The following EPS15 variants were observed in gnomAD, a reference collection of about 807,000 sequenced individuals.
The protein encoded by EPS15 is epidermal growth factor receptor substrate 15.
A neutral mutation model predicts 113.8 loss-of-function variants in EPS15; 72 were observed. The observed-to-expected ratio is 0.63, with a 90% CI of 0.52 to 0.77. The LOEUF (loss-of-function observed/expected upper bound fraction) is 0.77, where lower values mean the gene tolerates loss of function less well. Ranked by LOEUF, EPS15 falls within the 30% of genes least tolerant of loss-of-function variation. EPS15 has a pLI of 0.00. For synonymous variants in EPS15, 344 were observed against 363.4 expected (o/e 0.95, Z 0.61); for missense variants, 1,048 against 1,045.8 (o/e 1.00, Z -0.03).
At chr1:51,440,315 A>C in intron 12 of EPS15, 32 bp downstream of exon 12, 4 of 611,208 alleles carry the variant, frequency 6.5e-6, no homozygotes, top group East Asian at 3.3e-5. Flanking sequence ...GTGTGTGTGT[A>C]TGTGAGTAGG....
At chr1:51,455,177 ACACTTG>A (rs1412019773) in intron 8 of EPS15, among the ~76,000 whole-genome samples, 1 of 152,242 alleles carries the variant, frequency 6.6e-6, no homozygotes, top group Non-Finnish European at 1.5e-5. Context: ...ATAGGACTAT[ACACTTG>A]CAGAACTTAC....
At chr1:51,404,853 A>G (rs72694189) in intron 16 of EPS15, among the ~76,000 whole-genome samples, 4,573 of 152,264 alleles carry the variant, frequency 0.03, 74 homozygotes, top group African/African-American at 0.05. Flanking sequence ...GGGGAAAGGG[A>G]TACACATTTA....
Position 51,408,301 on chromosome 1 carries a change from T to C in EPS15, c.1307A>G (p.Gln436Arg). Residue 436 changes from glutamine (Q) to arginine (R), a missense_variant, in exon 15 of 25, where the codon CAG (glutamine) becomes CGG (arginine). Gln to Arg is a conservative substitution (Grantham distance 43). Coordinates refer to ENST00000371733, the MANE Select transcript of EPS15 (RefSeq NM_001981.3). ...ISSLKAELTS[Q>R]ESQISTYEEE... Reference sequence around the variant, plus strand: ...TTCGTAAGTGGAGATCTGCGATTCCTGACTAGTTAATTCAGCTTTCAGAGA... The same window carrying C: ...TTCGTAAGTGGAGATCTGCGATTCCCGACTAGTTAATTCAGCTTTCAGAGA... The C allele has an allele frequency of 1.2e-6, 2 of 1,613,320 alleles. No homozygotes were observed. Among genetic ancestry groups the C allele is most frequent in the Non-Finnish European group, 1.7e-6 (2 of 1,179,354 alleles).
At chr1:51,455,353 G>A (rs1259557000) in intron 8 of EPS15, among the ~76,000 whole-genome samples, 1 of 152,152 alleles carries the variant, frequency 6.6e-6, no homozygotes, top group African/African-American at 2.4e-5. Flanking sequence ...ACTTTGGGAG[G>A]CTAAGGCAGG....
chr1:51,501,225 T>C (rs1234391066), intron 1 of EPS15, among the ~76,000 whole-genome samples: 1 of 151,508 alleles, frequency 6.6e-6, no homozygotes, highest in Non-Finnish European at 1.5e-5. Context: ...CTGGCCAACA[T>C]GGGGAAACCC....
intron 16 of EPS15, 139 bp downstream of exon 16, chr1:51,405,766 G>GACTC (rs10529789): frequency 0.22 from 145,808 of 677,622 alleles, 19,998 homozygotes; most frequent in African/African-American, 0.52. Context: ...TTTGGATTAG[G>GACTC]ACTCTCTGCT....
chr1:51,373,525 C>T (rs1646713807), intron 21 of EPS15, among the ~76,000 whole-genome samples: 1 of 152,238 alleles, frequency 6.6e-6, no homozygotes, highest in African/African-American at 2.4e-5. Flanking sequence ...TCTTCAAAGA[C>T]TCCTGGGGTG....
In EPS15 at chr1:51,355,605, ATAAAC is replaced by A. The variant is rs530311379; in HGVS notation, c.*1090_*1094del. ...TAGGTGAAAAACATGAAGTGAGTAA[ATAAAC>A]TAAACCACAAAGATGGACAAAAAGC... On this transcript the variant is annotated 3_prime_UTR_variant, in exon 25 of 25. Transcript: ENST00000371733. 1.3e-3 allele frequency: 248 copies of A among 192,648 alleles called. No homozygotes were observed. The highest frequency in any genetic ancestry group is 3.6e-3 in the Middle Eastern group (2 of 548). 11.9% of individuals were successfully genotyped at this position (192,648 alleles called of 1,614,324 possible). A position where few individuals can be genotyped will look rare whatever the true frequency, so the allele number is the denominator to read the frequency against.
intron 1 of EPS15, among the ~76,000 whole-genome samples, chr1:51,487,115 A>G (rs1227495804): frequency 6.6e-6 from 1 of 152,226 alleles, no homozygotes; most frequent in Non-Finnish European, 1.5e-5. Context: ...CAACTGTAGA[A>G]GTTAACAACC....
intron 12 of EPS15, among the ~76,000 whole-genome samples, chr1:51,432,813 G>C (rs1036487854): frequency 6.6e-6 from 1 of 152,128 alleles, no homozygotes; most frequent in Non-Finnish European, 1.5e-5. Context: ...GAATTAGGCT[G>C]CCTCCTTACT....
Position 51,440,440 on chromosome 1 carries a change from CA to C in EPS15, c.955-9del. On this transcript the variant is annotated splice_polypyrimidine_tract_variant and intron_variant, in intron 11 of 24. Transcript: ENST00000371733. ...ACTTGATCCTATGATGTTCTAAAAACAAAAAGTTCACAATTATACATTACTA... is the reference window on the plus strand; with the variant it reads ...ACTTGATCCTATGATGTTCTAAAAACAAAAGTTCACAATTATACATTACTA... 6.8e-7 allele frequency: 1 copy of C among 1,473,132 alleles called. No homozygotes were observed. Among genetic ancestry groups the C allele is most frequent in the Non-Finnish European group, 9.3e-7 (1 of 1,073,524 alleles). The allele number at this position is 1,473,132 out of a possible 1,614,324, so 91.3% of individuals were successfully genotyped here.
At chr1:51,383,601 G>A (rs904697732) in intron 21 of EPS15, among the ~76,000 whole-genome samples, 10 of 152,264 alleles carry the variant, frequency 6.6e-5, no homozygotes, top group South Asian at 4.1e-4. Context: ...GACAGGAAGC[G>A]GAGCTCAGGC....
At chr1:51,447,403 G>C (rs1308162055) in intron 9 of EPS15, among the ~76,000 whole-genome samples, 2 of 152,082 alleles carry the variant, frequency 1.3e-5, no homozygotes, top group Non-Finnish European at 2.9e-5. Context: ...ATTAATATAG[G>C]TAACTGAAAG....
intron 1 of EPS15, among the ~76,000 whole-genome samples, chr1:51,503,568 G>C (rs1644449164): frequency 6.6e-6 from 1 of 152,172 alleles, no homozygotes; most frequent in East Asian, 1.9e-4. Flanking sequence ...CTTGAACCCA[G>C]GAGGCAGAGG....
At position 51,399,124 on chromosome 1, in the gene EPS15, C is replaced by T; in HGVS notation, c.1960G>A (p.Ala654Thr). ...GDPFKGSDPF[A>T]SDCFFRQSTD... is the part of the protein sequence containing the mutation. ...GATTGCCTGAAGAAACAGTCTGATG[C>T]AAATGGATCTGAACCTTTGAAAGGA... The change falls in exon 20 of 25, where the codon GCA (alanine) becomes ACA (threonine). Residue 654 changes from alanine (A) to threonine (T), a missense_variant. By Grantham distance (58) the Ala-to-Thr change is moderately conservative. Transcript: ENST00000371733. 1 of 1,613,930 alleles carries T rather than the reference C, an allele frequency of 6.2e-7. No individual in the cohort carries two copies. The highest frequency in any genetic ancestry group is 8.5e-7 in the Non-Finnish European group (1 of 1,179,914).
At chr1:51,453,982 G>A (rs1373496966) in intron 8 of EPS15, among the ~76,000 whole-genome samples, 1 of 150,754 alleles carries the variant, frequency 6.6e-6, no homozygotes, top group South Asian at 2.1e-4. Flanking sequence ...CCTAGCAGGT[G>A]GAGGCTGCAG....
At chr1:51,484,053 G>A (rs1325756447) in intron 1 of EPS15, among the ~76,000 whole-genome samples, 4 of 151,800 alleles carry the variant, frequency 2.6e-5, no homozygotes, top group African/African-American at 9.7e-5. Context: ...CAAAGCTACA[G>A]TGACCTGTGA....
chr1:51,462,719 C>A (rs574927312), intron 7 of EPS15, among the ~76,000 whole-genome samples: 7 of 151,566 alleles, frequency 4.6e-5, no homozygotes, highest in Non-Finnish European at 8.8e-5. Flanking sequence ...GAATTCATGG[C>A]GATGGATATT....
At chr1:51,411,413 T>C (rs990667035) in intron 13 of EPS15, among the ~76,000 whole-genome samples, 5 of 152,092 alleles carry the variant, frequency 3.3e-5, no homozygotes, top group African/African-American at 1.2e-4. Context: ...TTGCTAACTC[T>C]TGCACAAAGG....
Sources: gnomAD v4.1 joint callset for allele counts (sites outside exome capture counted in the v4.1 genomes callset) on GRCh38, gnomAD v4.1.1 for gene constraint, MANE v1.5 for transcripts, NCBI Gene and HGNC (gene_info 2026-07-23, HGNC 2026-07-21) for gene names.